Variants in CAPZA2 observed in about 807,000 individuals in gnomAD.
CAPZA2 encodes the protein capping actin protein of muscle Z-line subunit alpha 2, also known as F-actin-capping protein subunit alpha-2.
Under a neutral mutation model 44.0 loss-of-function variants are expected in CAPZA2, and 13 were observed. The observed-to-expected ratio is 0.30, with a 90% CI of 0.19 to 0.47. CAPZA2 has a LOEUF of 0.47. CAPZA2 is among the 20% of genes least tolerant of loss of function. CAPZA2 has a pLI of 1.00. For missense variants in CAPZA2, 244 were observed against 338.6 expected (o/e 0.72, Z 2.19); for synonymous variants, 94 against 108.2 (o/e 0.87, Z 0.81).
At chr7:116,906,506 C>A in intron 6 of CAPZA2, 164 bp downstream of exon 6, 1 of 1,190,464 alleles carries the variant, frequency 8.4e-7, no homozygotes. Context: ...ATTTGCTCAA[C>A]AGCCTAATCA....
At chr7:116,896,490 T>C (rs1404902275) in intron 3 of CAPZA2, among the ~76,000 whole-genome samples, 1 of 152,174 alleles carries the variant, frequency 6.6e-6, no homozygotes, top group African/African-American at 2.4e-5. Context: ...GAAAGGGCTT[T>C]ATAACCCAAA....
chr7:116,898,694 T>C lies in CAPZA2; in HGVS notation c.156-78T>C, dbSNP rs1585010628. The C allele has an allele frequency of 1.4e-5, 12 of 872,338 alleles. No homozygotes were observed. In the East Asian group the frequency reaches 3.3e-4, roughly 24 times the overall value. 54.0% of individuals were successfully genotyped at this position (872,338 alleles called of 1,614,324 possible). A position where few individuals can be genotyped will look rare whatever the true frequency, so the allele number is the denominator to read the frequency against. ...GCAATGTAGGAGGAGACTTTATTGA[T>C]GGGTGAATTTTTTGACCATTGTTTT... On this transcript the variant is annotated intron_variant, in intron 3 of 9. Coordinates refer to ENST00000361183, the MANE Select transcript of CAPZA2 (RefSeq NM_006136.3).
chr7:116,910,171 A>G, intron 6 of CAPZA2, 62 bp from the exon 7 acceptor site: 1 of 893,368 alleles, frequency 1.1e-6, no homozygotes, highest in South Asian at 1.3e-5. Context: ...ATAATCTGAA[A>G]CTTAAAATTG....
chr7:116,889,800 T>TA (rs1352916096), intron 2 of CAPZA2, among the ~76,000 whole-genome samples: 8 of 152,290 alleles, frequency 5.3e-5, no homozygotes, highest in South Asian at 2.1e-4. Context: ...ATTGGCATTG[T>TA]AAAAAAATCC....
At chr7:116,907,892 G>A (rs1049810326) in intron 6 of CAPZA2, among the ~76,000 whole-genome samples, 2 of 152,154 alleles carry the variant, frequency 1.3e-5, no homozygotes, top group African/African-American at 4.8e-5. Context: ...GGAAAAAAAT[G>A]TATTTTATAT....
rs1796822798 is a variant in CAPZA2 at position 116,890,528 on chromosome 7, ATATATATATATATATATATATATAT to A, written c.103+2339_103+2363del. Among the ~76,000 whole-genome samples the A allele has an allele frequency of 3.7e-3, 25 of 6,670 alleles. 3 individuals carry two copies. Among genetic ancestry groups the A allele is most frequent in the African/African-American group, 0.016 (25 of 1,582 alleles). The allele number at this position is 6,670 out of a possible 152,430, so 4.4% of individuals were successfully genotyped here. ...TCTACTTAAAAAAAAAAAAAAAAAT[ATATATATATATATATATATATATAT>A]ATATATATATATATACACATATATA... is the stretch of plus-strand genomic sequence containing the variant. On this transcript the variant is annotated intron_variant, in intron 2 of 9. Coordinates refer to ENST00000361183, the MANE Select transcript of CAPZA2 (RefSeq NM_006136.3).
chr7:116,896,104 A>G (rs1037646185), intron 3 of CAPZA2, among the ~76,000 whole-genome samples: 2 of 152,064 alleles, frequency 1.3e-5, no homozygotes, highest in Non-Finnish European at 2.9e-5. Flanking sequence ...ATACAAATAC[A>G]TCTTTCCCAC....
rs1187352588 is a variant in CAPZA2 at position 116,917,954 on chromosome 7, C to T, written c.*87C>T. 4 of 1,041,618 alleles carry T rather than the reference C, an allele frequency of 3.8e-6. No individual in the cohort carries two copies. Among genetic ancestry groups the T allele is most frequent in the African/African-American group, 3.1e-5 (2 of 63,574 alleles). The allele number at this position is 1,041,618 out of a possible 1,614,324, so 64.5% of individuals were successfully genotyped here. ...ATTCTGAACTGTCAAGCTGCCCAGT[C>T]AGATGGGCTGTTGCCATTTAAAATC... On this transcript the variant is annotated 3_prime_UTR_variant, in exon 10 of 10. Transcript: ENST00000361183.
chr7:116,865,857 G>A (rs528271687), intron 1 of CAPZA2, among the ~76,000 whole-genome samples: 3 of 152,094 alleles, frequency 2.0e-5, no homozygotes, highest in East Asian at 3.9e-4. Context: ...CTGGGATTAC[G>A]GGCATGAGCC....
chr7:116,883,105 G>A (rs1242411180), intron 1 of CAPZA2, among the ~76,000 whole-genome samples: 1 of 152,056 alleles, frequency 6.6e-6, no homozygotes, highest in African/African-American at 2.4e-5. Context: ...TTTAGCAGTG[G>A]GCCTAGAAAT....
At chr7:116,872,709 A>G (rs886138123) in intron 1 of CAPZA2, among the ~76,000 whole-genome samples, 3 of 152,246 alleles carry the variant, frequency 2.0e-5, no homozygotes, top group African/African-American at 7.2e-5. Flanking sequence ...AGACAACTTC[A>G]AATAATTCTT....
At chr7:116,895,712 C>T (rs754945894) in intron 3 of CAPZA2, among the ~76,000 whole-genome samples, 9 of 151,778 alleles carry the variant, frequency 5.9e-5, no homozygotes, top group Non-Finnish European at 1.0e-4. Flanking sequence ...CAGTAGTATG[C>T]AATTTCTCAA....
chr7:116,893,256 G>C (rs1796874951), intron 3 of CAPZA2, among the ~76,000 whole-genome samples: 1 of 151,746 alleles, frequency 6.6e-6, no homozygotes, highest in African/African-American at 2.4e-5. Flanking sequence ...TCAGCCTCCC[G>C]AGTAGCTGGG....
intron 1 of CAPZA2, 131 bp downstream of exon 1, chr7:116,862,781 C>G (rs1424260315): frequency 2.0e-6 from 2 of 1,020,786 alleles, no homozygotes; most frequent in East Asian, 6.2e-5. Context: ...CCTTCCTCCC[C>G]CATCCTTACT....
chr7:116,879,124 CAAAAAAAAAAAAAAAA>C (rs71148337), intron 1 of CAPZA2, among the ~76,000 whole-genome samples: 1 of 45,302 alleles, frequency 2.2e-5, no homozygotes, highest in African/African-American at 7.3e-5. Context: ...AACTCTGTCT[CAAAAAAAAAAAAAAAA>C]AAAAAAAAAG....
chr7:116,894,584 A>T (rs1796901000), intron 3 of CAPZA2, among the ~76,000 whole-genome samples: 2 of 152,228 alleles, frequency 1.3e-5, no homozygotes, highest in African/African-American at 4.8e-5. Context: ...TTAAGTGTAC[A>T]GATCAGTGGC....
chr7:116,918,426 G>C lies in CAPZA2; in HGVS notation c.*559G>C, dbSNP rs1389400324. On this transcript the variant is annotated 3_prime_UTR_variant, in exon 10 of 10. Transcript: ENST00000361183. ...ACCTTTCAAGAAGGTTATTTAGCTA[G>C]CTTAGTGTTGAACTAAATTTTTTTT... is the stretch of plus-strand genomic sequence containing the variant. The C allele has an allele frequency of 1.3e-5, 2 of 152,686 alleles. No homozygotes were observed. Among genetic ancestry groups the C allele is most frequent in the African/African-American group, 4.8e-5 (2 of 41,444 alleles). The allele number at this position is 152,686 out of a possible 1,614,324, so 9.5% of individuals were successfully genotyped here. A position where few individuals can be genotyped will look rare whatever the true frequency, so the allele number is the denominator to read the frequency against.
chr7:116,904,410 G>A lies in CAPZA2; in HGVS notation c.426+27G>A, dbSNP rs186849705. The A allele has an allele frequency of 4.3e-6, 6 of 1,382,084 alleles. No homozygotes were observed. In the African/African-American group the frequency reaches 5.7e-5, roughly 13 times the overall value. 85.6% of individuals were successfully genotyped at this position (1,382,084 alleles called of 1,614,324 possible). A position where few individuals can be genotyped will look rare whatever the true frequency, so the allele number is the denominator to read the frequency against. The stretch of plus-strand genomic sequence containing the variant: ...TAAGTCATCAGTAGCAGCTTTGTGT[G>A]TGTGTTTTGTGTAAATGTGAGTCTT... On this transcript the variant is annotated intron_variant, in intron 5 of 9. Transcript: ENST00000361183.
intron 3 of CAPZA2, among the ~76,000 whole-genome samples, chr7:116,896,434 A>G (rs1796928934): frequency 6.6e-6 from 1 of 152,172 alleles, no homozygotes; most frequent in South Asian, 2.1e-4. Flanking sequence ...AGAGTCAGAC[A>G]TGTTTAATAT....
Sources: allele counts gnomAD v4.1 joint callset (sites outside exome capture counted in the v4.1 genomes callset), GRCh38; gene constraint gnomAD v4.1.1; transcripts MANE v1.5; gene names NCBI Gene and HGNC (gene_info 2026-07-23, HGNC 2026-07-21).